Variants in ARHGEF10 observed in about 807,000 individuals in gnomAD.
ARHGEF10 encodes the protein Rho guanine nucleotide exchange factor 10.
In ARHGEF10, 140 loss-of-function variants were observed where a neutral mutation model predicts 147.4. That is an observed-to-expected ratio of 0.95 (90% confidence interval 0.83 to 1.09). The LOEUF is 1.09. Ranked by LOEUF, ARHGEF10 falls within the 50% of genes least tolerant of loss-of-function variation. The pLI is 0.00. For missense variants in ARHGEF10, 2,222 were observed against 1,752.7 expected (o/e 1.27, Z -4.78); for synonymous variants, 902 against 695.8 (o/e 1.30, Z -4.67).
chr8:1,947,070 T>A (rs974964209), intron 27 of ARHGEF10, among the ~76,000 whole-genome samples: 1 of 152,166 alleles, frequency 6.6e-6, no homozygotes, highest in Non-Finnish European at 1.5e-5. Flanking sequence ...GGACCTTGTG[T>A]TTTCTTTGGA....
Position 1,931,557 on chromosome 8 carries a change from G to T in ARHGEF10, c.3079+2114G>T, listed in dbSNP as rs553863202. 2.5e-4 allele frequency among the ~76,000 whole-genome samples: 38 copies of T among 152,266 alleles called. 1 individual carries two copies. The East Asian group carries it at 7.2e-3, about 29-fold the overall frequency. ...AAGAGCTGTCCGGCGTACCGTGTGGGAGCGTGCGAGGCAGCCTGCGCAGAA... is the reference window on the plus strand; with the variant it reads ...AAGAGCTGTCCGGCGTACCGTGTGGTAGCGTGCGAGGCAGCCTGCGCAGAA... On this transcript the variant is annotated intron_variant, in intron 25 of 28. Coordinates refer to ENST00000349830, the MANE Select transcript of ARHGEF10 (RefSeq NM_014629.4).
At chr8:1,904,814 T>C (rs1810751829) in intron 16 of ARHGEF10, among the ~76,000 whole-genome samples, 1 of 146,878 alleles carries the variant, frequency 6.8e-6, no homozygotes, top group South Asian at 2.2e-4. Context: ...CTGTTTTTCT[T>C]GTGGGCTGAG....
chr8:1,832,989 CAGA>C (rs1803302207), intron 1 of ARHGEF10, among the ~76,000 whole-genome samples: 1 of 47,790 alleles, frequency 2.1e-5, no homozygotes, highest in Non-Finnish European at 4.2e-5. Flanking sequence ...GAGACAGAGA[CAGA>C]GGCAGAGACA....
At chr8:1,840,886 C>A (rs1035700118) in intron 1 of ARHGEF10, among the ~76,000 whole-genome samples, 1 of 152,226 alleles carries the variant, frequency 6.6e-6, no homozygotes, top group South Asian at 2.1e-4. Context: ...GAGGGTGGGC[C>A]CCTACCGCCT....
chr8:1,880,924 C>A lies in ARHGEF10; in HGVS notation c.960+760C>A, dbSNP rs574406976. Among the ~76,000 whole-genome samples, 12 of 152,312 alleles carry A rather than the reference C, an allele frequency of 7.9e-5. No individual in the cohort carries two copies. In the South Asian group the frequency reaches 2.1e-3, roughly 26 times the overall value. On this transcript the variant is annotated intron_variant, in intron 9 of 28. Transcript: ENST00000349830. ...CCATCAGAAGCCACAGCCACAGCCG[C>A]CCCCTGGGAGCCGCGTTACCCCCTC...
chr8:1,880,299 C>G, intron 9 of ARHGEF10, 135 bp downstream of exon 9: 1 of 696,358 alleles, frequency 1.4e-6, no homozygotes, highest in Non-Finnish European at 2.6e-6. Flanking sequence ...TCCCCCGACG[C>G]TTTGGGGCTC....
chr8:1,869,133 A>G, intron 6 of ARHGEF10, 61 bp from the exon 7 acceptor site: 1 of 1,486,800 alleles, frequency 6.7e-7, no homozygotes, highest in Admixed American at 1.7e-5. Context: ...GCCCTGTAAA[A>G]TTTAAATTGC....
chr8:1,839,929 A>AAG (rs1803877474), intron 1 of ARHGEF10, among the ~76,000 whole-genome samples: 9 of 90,274 alleles, frequency 1.0e-4, no homozygotes, highest in Admixed American at 1.1e-4. Context: ...CGGTGTGGGG[A>AAG]CTGTCTGGTG....
At chr8:1,840,843 C>T (rs2129048501) in intron 1 of ARHGEF10, among the ~76,000 whole-genome samples, 1 of 152,282 alleles carries the variant, frequency 6.6e-6, no homozygotes, top group South Asian at 2.1e-4. Flanking sequence ...AGAGGGTAGG[C>T]ACCTCCCGCC....
chr8:1,919,674 T>G lies in ARHGEF10; in HGVS notation c.2144-3290T>G, dbSNP rs185269587. On this transcript the variant is annotated intron_variant, in intron 18 of 28. Coordinates refer to ENST00000349830, the MANE Select transcript of ARHGEF10 (RefSeq NM_014629.4). The stretch of plus-strand genomic sequence containing the variant: ...GCTGTTCTGTCAGTGATGGAGCTGT[T>G]CTATGGGTGATGAGCTGTTTTGTGG... Among the ~76,000 whole-genome samples, 28 of 147,376 alleles carry G rather than the reference T, an allele frequency of 1.9e-4. 1 individual carries two copies. The highest frequency in any genetic ancestry group is 1.4e-3 in the East Asian group (7 of 4,934).
chr8:1,842,792 G>C (rs1486786832), intron 1 of ARHGEF10, among the ~76,000 whole-genome samples: 2 of 152,238 alleles, frequency 1.3e-5, no homozygotes, highest in African/African-American at 4.8e-5. Context: ...GAAGCAGGGA[G>C]GGAAACACGA....
rs1380817423 is a variant in ARHGEF10, at chr8:1,942,848, GTAGGATTTTGTTTA to G, written c.3223-2630_3223-2617del. 2.0e-4 allele frequency among the ~76,000 whole-genome samples: 30 copies of G among 147,390 alleles called. 1 individual carries two copies. Among genetic ancestry groups the G allele is most frequent in the Middle Eastern group, 3.5e-3 (1 of 284 alleles). ...AGCCAGACACAAAAGGCCGAACATT[GTAGGATTTTGTTTA>G]TATGAAATGTCAGAACAGGCAAATC... is the stretch of plus-strand genomic sequence containing the variant. On this transcript the variant is annotated intron_variant, in intron 26 of 28. Coordinates refer to ENST00000349830, the MANE Select transcript of ARHGEF10 (RefSeq NM_014629.4).
At chr8:1,956,672 AG>A in intron 28 of ARHGEF10, 76 bp from the exon 29 acceptor site, 1 of 1,546,682 alleles carries the variant, frequency 6.5e-7, no homozygotes. Flanking sequence ...GTTGGGGTTA[AG>A]CCCTGCACTT....
In ARHGEF10 at chr8:1,933,848, T is replaced by C; in HGVS notation, c.3128T>C (p.Leu1043Pro). 2 of 1,614,224 alleles carry C rather than the reference T, an allele frequency of 1.2e-6. No homozygotes were observed. The highest frequency in any genetic ancestry group is 1.7e-6 in the Non-Finnish European group (2 of 1,180,028). ...EPQKVIKLGV[L>P]PVRSLLMMED... Reference sequence around the variant, plus strand: ...CAAAAAGTGATCAAGTTAGGCGTCCTACCAGTTAGAAGTCTACTCATGATG... The same window carrying C: ...CAAAAAGTGATCAAGTTAGGCGTCCCACCAGTTAGAAGTCTACTCATGATG... The change falls in exon 26 of 29, where the codon CTA (leucine) becomes CCA (proline). Residue 1043 changes from leucine (L) to proline (P), a missense_variant. Coordinates refer to ENST00000349830, the MANE Select transcript of ARHGEF10 (RefSeq NM_014629.4).
At chr8:1,942,331 A>G (rs1166161809) in intron 26 of ARHGEF10, among the ~76,000 whole-genome samples, 1 of 151,550 alleles carries the variant, frequency 6.6e-6, no homozygotes, top group Admixed American at 6.6e-5. Flanking sequence ...GAAGATGTAC[A>G]GTCGACCCAT....
At position 1,843,432 on chromosome 8, in the gene ARHGEF10, T is replaced by G. The variant is rs1804246746; in HGVS notation, c.33T>G (p.Pro11=). MDQREPLPPA[P]AENEMKYDTN... is the part of the protein sequence containing the mutation. ...AGCGAGAGCCCCTGCCTCCCGCTCCTGCAGGTAACAGCACTCAGTAGGTGG... is the reference window on the plus strand; with the variant it reads ...AGCGAGAGCCCCTGCCTCCCGCTCCGGCAGGTAACAGCACTCAGTAGGTGG... Residue 11 remains proline (P), a synonymous_variant, in exon 2 of 29, where the codon CCT becomes CCG. Coordinates refer to ENST00000349830, the MANE Select transcript of ARHGEF10 (RefSeq NM_014629.4). 1.2e-6 allele frequency: 2 copies of G among 1,612,738 alleles called. No homozygotes were observed. The highest frequency in any genetic ancestry group is 1.3e-5 in the African/African-American group (1 of 75,020).
intron 11 of ARHGEF10, among the ~76,000 whole-genome samples, chr8:1,892,639 ATG>A (rs1468669215): frequency 3.4e-5 from 5 of 148,648 alleles, no homozygotes; most frequent in East Asian, 2.0e-4. Context: ...GTGTGTGTGC[ATG>A]TGTGTGTGTG....
chr8:1,851,667 C>T (rs1056418233), intron 2 of ARHGEF10, among the ~76,000 whole-genome samples: 1 of 152,156 alleles, frequency 6.6e-6, no homozygotes, highest in African/African-American at 2.4e-5. Flanking sequence ...AATCCCAGCA[C>T]TTTGGGAGGC....
chr8:1,880,590 A>C (rs1336301808), intron 9 of ARHGEF10, among the ~76,000 whole-genome samples: 1 of 152,194 alleles, frequency 6.6e-6, no homozygotes, highest in Non-Finnish European at 1.5e-5. Flanking sequence ...TTTAACTTCA[A>C]ATGCAGTAAA....
Sources: allele counts gnomAD v4.1 joint callset (sites outside exome capture counted in the v4.1 genomes callset), GRCh38; gene constraint gnomAD v4.1.1; transcripts MANE v1.5; gene names NCBI Gene and HGNC (gene_info 2026-07-23, HGNC 2026-07-21).